ASTN2: variants seen among roughly 807,000 people sequenced by gnomAD.
The protein encoded by ASTN2 is astrotactin 2.
ASTN2 carries 54 observed loss-of-function variants against 139.8 expected under a neutral mutation model. That is an observed-to-expected ratio of 0.39 (90% CI 0.31 to 0.48). The LOEUF is 0.48. ASTN2 is among the 20% of genes least tolerant of loss of function. ASTN2 has a pLI of 0.95. For synonymous variants in ASTN2, 756 were observed against 719.5 expected (o/e 1.05, Z -0.81); for missense variants, 1,565 against 1,725.1 (o/e 0.91, Z 1.64).
intron 2 of ASTN2, among the ~76,000 whole-genome samples, chr9:117,220,968 C>T (rs1281174245): frequency 2.0e-5 from 3 of 152,180 alleles, no homozygotes; most frequent in Non-Finnish European, 2.9e-5. Flanking sequence ...TCTGTTTGAC[C>T]ATTTTCCCAT....
At chr9:117,212,487 G>A (rs1832167653) in intron 3 of ASTN2, among the ~76,000 whole-genome samples, 1 of 151,932 alleles carries the variant, frequency 6.6e-6, no homozygotes, top group Non-Finnish European at 1.5e-5. Flanking sequence ...CAGAATGGGA[G>A]AAAATATTCA....
intron 1 of ASTN2, among the ~76,000 whole-genome samples, chr9:117,383,941 C>T (rs1830332303): frequency 6.6e-6 from 1 of 152,180 alleles, no homozygotes; most frequent in Non-Finnish European, 1.5e-5. Context: ...ACTGCACTTC[C>T]ATTAAATGAT....
intron 19 of ASTN2, among the ~76,000 whole-genome samples, chr9:116,525,058 A>G (rs1215839649): frequency 6.6e-6 from 1 of 152,172 alleles, no homozygotes; most frequent in Non-Finnish European, 1.5e-5. Context: ...GACTTGTTGA[A>G]TGGTTTTGAC....
intron 13 of ASTN2, among the ~76,000 whole-genome samples, chr9:116,738,918 C>T (rs1433988865): frequency 6.6e-6 from 1 of 152,158 alleles, no homozygotes; most frequent in East Asian, 1.9e-4. Flanking sequence ...TTATTCACCA[C>T]CACAGTGGAG....
intron 1 of ASTN2, among the ~76,000 whole-genome samples, chr9:117,395,481 C>T (rs1336001727): frequency 3.3e-5 from 5 of 152,146 alleles, no homozygotes; most frequent in African/African-American, 1.2e-4. Flanking sequence ...CTTGGCAGCC[C>T]GCTCACACAC....
chr9:117,219,582 G>A (rs1311287458), intron 2 of ASTN2, among the ~76,000 whole-genome samples: 1 of 152,200 alleles, frequency 6.6e-6, no homozygotes, highest in African/African-American at 2.4e-5. Context: ...GGCTGAGGAA[G>A]TCACTGCAAG....
chr9:116,945,301 G>A (rs892833867), intron 10 of ASTN2, among the ~76,000 whole-genome samples: 4 of 152,154 alleles, frequency 2.6e-5, no homozygotes, highest in Non-Finnish European at 5.9e-5. Context: ...AGAAAGGGAT[G>A]GGGCTCACCT....
chr9:116,731,920 G>A (rs1375748886), intron 14 of ASTN2, among the ~76,000 whole-genome samples: 1 of 152,112 alleles, frequency 6.6e-6, no homozygotes, highest in Admixed American at 6.5e-5. Flanking sequence ...CACTCAGGAA[G>A]GATATTATAG....
intron 19 of ASTN2, among the ~76,000 whole-genome samples, chr9:116,547,948 C>G (rs1229843173): frequency 6.6e-6 from 1 of 152,108 alleles, no homozygotes; most frequent in African/African-American, 2.4e-5. Context: ...GGGAGGCATA[C>G]ACTCCCAACT....
intron 6 of ASTN2, among the ~76,000 whole-genome samples, chr9:117,018,752 G>A (rs1377704184): frequency 6.6e-6 from 1 of 152,106 alleles, no homozygotes; most frequent in Non-Finnish European, 1.5e-5. Context: ...TGCAGTATTT[G>A]CAAGGTAAAT....
chr9:116,777,173 G>C (rs1244808564), intron 13 of ASTN2, among the ~76,000 whole-genome samples: 2 of 152,122 alleles, frequency 1.3e-5, no homozygotes, highest in Non-Finnish European at 2.9e-5. Flanking sequence ...AAGGGCCAGA[G>C]ACTCTCACCC....
intron 17 of ASTN2, among the ~76,000 whole-genome samples, chr9:116,626,158 T>G (rs1374597143): frequency 4.3e-5 from 5 of 115,472 alleles, no homozygotes; most frequent in Non-Finnish European, 8.6e-5. Flanking sequence ...TTTTGTGTTT[T>G]TTTTTTTTTT....
intron 16 of ASTN2, among the ~76,000 whole-genome samples, chr9:116,690,231 G>A (rs1305003718): frequency 1.3e-5 from 2 of 152,174 alleles, no homozygotes; most frequent in African/African-American, 4.8e-5. Flanking sequence ...ATTATAATTT[G>A]TTGAGTGCTT....
intron 16 of ASTN2, among the ~76,000 whole-genome samples, chr9:116,660,203 C>CACA (rs1335887249): frequency 1.5e-4 from 23 of 150,004 alleles, no homozygotes; most frequent in South Asian, 1.0e-3. Flanking sequence ...CACACACACA[C>CACA]ATTTGGGGAA....
chr9:117,413,778 C>G (rs991616297), intron 1 of ASTN2, among the ~76,000 whole-genome samples: 1 of 152,154 alleles, frequency 6.6e-6, no homozygotes, highest in South Asian at 2.1e-4. Flanking sequence ...AAGGACAAAC[C>G]GGCTCTCTGC....
intron 6 of ASTN2, among the ~76,000 whole-genome samples, chr9:117,022,302 G>T (rs1837906106): frequency 6.6e-6 from 1 of 152,080 alleles, no homozygotes; most frequent in Non-Finnish European, 1.5e-5. Flanking sequence ...AGACTCAGAG[G>T]AAATTAGTAA....
rs537407675 is a variant in ASTN2 at position 117,320,490 on chromosome 9, A to G, written c.443-28977T>C. On this transcript the variant is annotated intron_variant, in intron 1 of 22. Coordinates refer to ENST00000313400, the MANE Select transcript of ASTN2 (RefSeq NM_001365068.1). ...CTTAGAATCATACTGAGGGGTAAGG[A>G]TTACTATACTGTCACAACCTATGAG... Among the ~76,000 whole-genome samples the G allele has an allele frequency of 6.6e-5, 10 of 152,258 alleles. No homozygotes were observed. In the East Asian group the frequency reaches 1.4e-3, roughly 21 times the overall value.
At chr9:117,137,406 G>A (rs1405975559) in intron 4 of ASTN2, among the ~76,000 whole-genome samples, 1 of 152,136 alleles carries the variant, frequency 6.6e-6, no homozygotes. Context: ...GCAGCCCACG[G>A]CAACCTCAAT....
chr9:117,344,001 C>G (rs1331100889), intron 1 of ASTN2, among the ~76,000 whole-genome samples: 1 of 152,062 alleles, frequency 6.6e-6, no homozygotes, highest in African/African-American at 2.4e-5. Flanking sequence ...GAAAATGTCA[C>G]CCAAAGCATC....
Sources: gnomAD v4.1 joint callset for allele counts (sites outside exome capture counted in the v4.1 genomes callset) on GRCh38, gnomAD v4.1.1 for gene constraint, MANE v1.5 for transcripts, NCBI Gene and HGNC (gene_info 2026-07-23, HGNC 2026-07-21) for gene names.